The following PRR16 variants were observed in gnomAD, a reference collection of about 807,000 sequenced individuals.
The protein encoded by PRR16 is proline rich 16, also known as protein Largen.
A neutral mutation model predicts 18.2 loss-of-function variants in PRR16; 6 were observed. That is an observed-to-expected ratio of 0.33 (90% confidence interval 0.18 to 0.65). PRR16 has a LOEUF of 0.65. PRR16 is among the 30% of genes least tolerant of loss of function. PRR16 has a pLI of 0.74. For missense variants in PRR16, 412 were observed against 376.6 expected (o/e 1.09, Z -0.78); for synonymous variants, 151 against 147.8 (o/e 1.02, Z -0.16).
chr5:120,636,074 T>C (rs781311408), intron 1 of PRR16, among the ~76,000 whole-genome samples: 1 of 152,016 alleles, frequency 6.6e-6, no homozygotes, highest in African/African-American at 2.4e-5. Flanking sequence ...TAACCTAGGA[T>C]GTGAAAGACT....
chr5:120,525,933 T>C (rs1751331472), intron 1 of PRR16, among the ~76,000 whole-genome samples: 1 of 152,166 alleles, frequency 6.6e-6, no homozygotes, highest in Non-Finnish European at 1.5e-5. Flanking sequence ...AGAAACAACA[T>C]TTTTGGACAG....
the PRR16 span, among the ~76,000 whole-genome samples, chr5:120,791,623 C>CTAT: frequency 1.3e-4 from 19 of 140,972 alleles, no homozygotes; most frequent in South Asian, 4.5e-4. Flanking sequence ...ATCTATCTAT[C>CTAT]CATCCATCTA....
At chr5:120,771,886 G>A in the PRR16 span, among the ~76,000 whole-genome samples, 1 of 151,584 alleles carries the variant, frequency 6.6e-6, no homozygotes, top group African/African-American at 2.4e-5. Context: ...TTATATTCCA[G>A]TGATTTTTAT....
chr5:120,713,470 T>C, the PRR16 span, among the ~76,000 whole-genome samples: 1 of 152,220 alleles, frequency 6.6e-6, no homozygotes, highest in African/African-American at 2.4e-5. Context: ...CATTGTTTTC[T>C]TGATCTTTAT....
In PRR16 at chr5:120,573,903, G is replaced by GTATA. The variant is rs5870899; in HGVS notation, c.159+109270_159+109273dup. Among the ~76,000 whole-genome samples the GTATA allele has an allele frequency of 2.6e-3, 393 of 150,424 alleles. 1 individual carries two copies. The highest frequency in any genetic ancestry group is 4.0e-3 in the Non-Finnish European group (269 of 67,470). On this transcript the variant is annotated intron_variant, in intron 1 of 1. Transcript: ENST00000407149. ...TATATATAATTTGTATGATATGTGT[G>GTATA]TATATATATATATATCAAACACCAT...
chr5:120,539,678 A>G (rs1173047192), intron 1 of PRR16, among the ~76,000 whole-genome samples: 1 of 151,140 alleles, frequency 6.6e-6, no homozygotes, highest in Non-Finnish European at 1.5e-5. Flanking sequence ...ACTTGAAAAG[A>G]AAAAAAAACA....
At chr5:120,779,652 G>GTAT in the PRR16 span, among the ~76,000 whole-genome samples, 6 of 152,072 alleles carry the variant, frequency 3.9e-5, no homozygotes, top group African/African-American at 1.4e-4. Context: ...TTTATGCTCT[G>GTAT]TATTGTATTA....
At chr5:120,641,249 G>A (rs954821332) in intron 1 of PRR16, among the ~76,000 whole-genome samples, 1 of 151,334 alleles carries the variant, frequency 6.6e-6, no homozygotes, top group African/African-American at 2.4e-5. Flanking sequence ...GTGTCAACCA[G>A]TGTGAAAGGC....
chr5:120,588,123 T>A (rs528750445), intron 1 of PRR16, among the ~76,000 whole-genome samples: 1 of 152,344 alleles, frequency 6.6e-6, no homozygotes, highest in South Asian at 2.1e-4. Flanking sequence ...TGCAATTTTA[T>A]GATAAAAATT....
At chr5:120,692,916 C>G in the PRR16 span, among the ~76,000 whole-genome samples, 1 of 152,102 alleles carries the variant, frequency 6.6e-6, no homozygotes, top group Non-Finnish European at 1.5e-5. Flanking sequence ...TTAATTTAAA[C>G]ACTTTAGAAT....
the PRR16 span, among the ~76,000 whole-genome samples, chr5:120,713,778 T>C: frequency 5.3e-5 from 8 of 152,174 alleles, no homozygotes; most frequent in South Asian, 2.1e-4. Context: ...AGATTAATAG[T>C]ATATGACTAC....
intron 1 of PRR16, among the ~76,000 whole-genome samples, chr5:120,508,282 C>G (rs532789763): frequency 6.6e-6 from 1 of 152,256 alleles, no homozygotes; most frequent in Non-Finnish European, 1.5e-5. Context: ...AGTTACTATA[C>G]ACTTGTGGTT....
chr5:120,506,961 T>C (rs892922536), intron 1 of PRR16, among the ~76,000 whole-genome samples: 1 of 152,074 alleles, frequency 6.6e-6, no homozygotes, highest in African/African-American at 2.4e-5. Context: ...CTGGCCTCAA[T>C]AGAAGAAGGC....
rs185703527 is a variant in PRR16 at position 120,614,053 on chromosome 5, C to A, written c.160-71901C>A. ...AGATTCAATTGGTAAGTATTTGCAG[C>A]TTGTAGTTTATGGGTGTTTGTTTGA... On this transcript the variant is annotated intron_variant, in intron 1 of 1. Transcript: ENST00000407149. Among the ~76,000 whole-genome samples, 29 of 152,270 alleles carry A rather than the reference C, an allele frequency of 1.9e-4. No homozygotes were observed. In the East Asian group the frequency reaches 5.6e-3, roughly 29 times the overall value.
chr5:120,464,491 C>T lies in PRR16; in HGVS notation c.5C>T (p.Ser2Leu). Residue 2 changes from serine to leucine, a missense_variant, in exon 1 of 2, where the codon TCA (serine) becomes TTA (leucine). Physicochemically the swap from Ser to Leu is moderately radical, Grantham distance 145. Coordinates refer to ENST00000407149, the MANE Select transcript of PRR16 (RefSeq NM_001300783.2). M[S>L]AKSKGNPSSS... ...TGCCTCGCTTGCCCCCAAAGAATGT[C>T]AGCCAAGTCCAAGGGGAACCCCTCC... The T allele has an allele frequency of 6.3e-7, 1 of 1,587,630 alleles. No individual in the cohort carries two copies. The highest frequency in any genetic ancestry group is 8.5e-7 in the Non-Finnish European group (1 of 1,175,094).
the PRR16 span, among the ~76,000 whole-genome samples, chr5:120,720,640 T>C: frequency 1.3e-5 from 2 of 152,040 alleles, no homozygotes; most frequent in Non-Finnish European, 2.9e-5. Context: ...GATGAGGAGA[T>C]TATAAAACTT....
At chr5:120,770,637 C>T in the PRR16 span, among the ~76,000 whole-genome samples, 49 of 151,934 alleles carry the variant, frequency 3.2e-4, no homozygotes, top group Non-Finnish European at 5.0e-4. Flanking sequence ...AAAAGACAAT[C>T]TAAAGAATGA....
chr5:120,777,713 A>G, the PRR16 span, among the ~76,000 whole-genome samples: 1 of 152,086 alleles, frequency 6.6e-6, no homozygotes, highest in African/African-American at 2.4e-5. Flanking sequence ...TATACATACC[A>G]CAGTGTCTTA....
chr5:120,660,338 C>T (rs1339445138), intron 1 of PRR16, among the ~76,000 whole-genome samples: 1 of 152,026 alleles, frequency 6.6e-6, no homozygotes, highest in Admixed American at 6.6e-5. Context: ...TGACAGACAT[C>T]ACTTTAAAGG....
Sources: allele counts gnomAD v4.1 joint callset (sites outside exome capture counted in the v4.1 genomes callset), GRCh38; gene constraint gnomAD v4.1.1; transcripts MANE v1.5; gene names NCBI Gene and HGNC (gene_info 2026-07-23, HGNC 2026-07-21).